GRIK3: variants seen among roughly 807,000 people sequenced by gnomAD.
GRIK3 encodes glutamate ionotropic receptor kainate type subunit 3, also known as glutamate receptor ionotropic, kainate 3.
In GRIK3, 29 loss-of-function variants were observed where a neutral mutation model predicts 102.5. The observed-to-expected ratio is 0.28, with a 90% CI of 0.21 to 0.39. The LOEUF (loss-of-function observed/expected upper bound fraction) is 0.39, where lower values mean the gene tolerates loss of function less well. GRIK3 is among the 10% of genes least tolerant of loss of function. The probability of loss-of-function intolerance (pLI) is 1.00; values close to 1 mark genes in which losing one functional copy is unlikely to be tolerated. For synonymous variants in GRIK3, 511 were observed against 504.9 expected (o/e 1.01, Z -0.16); for missense variants, 908 against 1,252.4 (o/e 0.73, Z 4.15).
At chr1:36,887,228 C>T (rs560559865) in intron 2 of GRIK3, among the ~76,000 whole-genome samples, 1 of 152,256 alleles carries the variant, frequency 6.6e-6, no homozygotes, top group Middle Eastern at 3.4e-3. Flanking sequence ...GATAAAACAA[C>T]AGCATTTCTA....
intron 10 of GRIK3, among the ~76,000 whole-genome samples, chr1:36,832,601 G>C (rs1640319019): frequency 6.6e-6 from 1 of 152,210 alleles, no homozygotes; most frequent in African/African-American, 2.4e-5. Context: ...CCAGCTTCCT[G>C]AGCTGACAGC....
rs1570759619 is a variant in GRIK3 at position 36,850,759 on chromosome 1, A to G, written c.1213-335T>C. 6.6e-6 allele frequency among the ~76,000 whole-genome samples: 1 copy of G among 152,208 alleles called. No homozygotes were observed. The highest frequency in any genetic ancestry group is 2.1e-4 in the South Asian group (1 of 4,832). On this transcript the variant is annotated intron_variant, in intron 8 of 15. Coordinates refer to ENST00000373091, the MANE Select transcript of GRIK3 (RefSeq NM_000831.4). This position sits in a 1 kb window ranked among gnomAD's most constrained non-coding sequence, Gnocchi z 4.0. Reference sequence around the variant, plus strand: ...GGGTCTCAGGGCTGAGCAGATGCCAATCAGGGGCTGGAGGGAATCAGGGGT... The same window carrying G: ...GGGTCTCAGGGCTGAGCAGATGCCAGTCAGGGGCTGGAGGGAATCAGGGGT...
At chr1:36,955,122 G>A (rs1012260530) in intron 1 of GRIK3, among the ~76,000 whole-genome samples, 3 of 152,244 alleles carry the variant, frequency 2.0e-5, no homozygotes, top group Admixed American at 2.0e-4. Flanking sequence ...CCACCCCAGA[G>A]TGGGTCCTGA....
In GRIK3 at chr1:36,825,675, A is replaced by G; in HGVS notation, c.1682T>C (p.Leu561Pro). 2 of 1,613,412 alleles carry G rather than the reference A, an allele frequency of 1.2e-6. No individual in the cohort carries two copies. The highest frequency in any genetic ancestry group is 8.5e-7 in the Non-Finnish European group (1 of 1,179,696). The part of the protein sequence containing the change: ...NPSVFSFLNP[L>P]SPDIWMYVLL... ...AACATACATCCAGATGTCTGGGGAC[A>G]GGGGATTGAGGAAGGAGAAGACGCT... Residue 561 changes from leucine to proline, a missense_variant, in exon 11 of 16, where the codon CTG becomes CCG. Around this residue, in one of 3 missense-constraint regions of GRIK3, gnomAD observed 585 missense variants for 824.9 expected, o/e 0.71. Transcript: ENST00000373091.
chr1:36,881,510 C>G (rs1640976503), intron 2 of GRIK3, among the ~76,000 whole-genome samples: 2 of 152,116 alleles, frequency 1.3e-5, no homozygotes, highest in Admixed American at 6.5e-5. Flanking sequence ...CTCATTCACT[C>G]ATATCCCACA....
chr1:36,836,380 G>A (rs1272019155), intron 10 of GRIK3, among the ~76,000 whole-genome samples: 5 of 152,226 alleles, frequency 3.3e-5, no homozygotes, highest in African/African-American at 1.2e-4. Context: ...GTTCACCCAC[G>A]TGTCCCTCAT....
chr1:36,919,074 T>C (rs1029932156), intron 1 of GRIK3, among the ~76,000 whole-genome samples: 2 of 152,228 alleles, frequency 1.3e-5, no homozygotes, highest in African/African-American at 4.8e-5. Context: ...GGGACTGTTT[T>C]TATGGCTTTC....
chr1:36,927,974 G>A (rs1219549735), intron 1 of GRIK3, among the ~76,000 whole-genome samples: 1 of 152,186 alleles, frequency 6.6e-6, no homozygotes, highest in Admixed American at 6.5e-5. Flanking sequence ...GAGCAGAGGT[G>A]GGGGGTACCA....
rs140594553 is a variant in GRIK3, at chr1:36,925,411, C to A, written c.116-34315G>T. The stretch of plus-strand genomic sequence containing the variant: ...AGTGAGCCAGTTCGTGCCCTCGGAG[C>A]CTTTCCCCTGAAAGCTGCCCAGCTT... On this transcript the variant is annotated intron_variant, in intron 1 of 15. Transcript: ENST00000373091. Among the ~76,000 whole-genome samples the A allele has an allele frequency of 3.3e-5, 5 of 152,372 alleles. No homozygotes were observed. In the East Asian group the frequency reaches 5.8e-4, roughly 18 times the overall value.
intron 7 of GRIK3, 101 bp downstream of exon 7, chr1:36,859,007 T>C: frequency 9.3e-7 from 1 of 1,079,692 alleles, no homozygotes; most frequent in South Asian, 1.7e-5. Context: ...TGAGGTCACA[T>C]GGATGAGAAT....
At chr1:36,847,501 T>C (rs1640532565) in intron 9 of GRIK3, among the ~76,000 whole-genome samples, 1 of 152,216 alleles carries the variant, frequency 6.6e-6, no homozygotes, top group Admixed American at 6.5e-5. Context: ...GGGCTCTGCC[T>C]GTGGACAGAA....
Position 36,819,639 on chromosome 1 carries a change from C to A in GRIK3, c.1873+97G>T, listed in dbSNP as rs887828248. ...GGCTCATCAGGGTCTGAGGCTACCC[C>A]TAGAGGTGTGGGCTGGCTCTGCTGA... is the stretch of plus-strand genomic sequence containing the variant. On this transcript the variant is annotated intron_variant, in intron 12 of 15. Transcript: ENST00000373091. This position sits in a 1 kb window ranked among gnomAD's most constrained non-coding sequence, Gnocchi z 4.1. 6.9e-6 allele frequency: 5 copies of A among 726,754 alleles called. No individual in the cohort carries two copies. Among genetic ancestry groups the A allele is most frequent in the Non-Finnish European group, 1.0e-5 (4 of 394,008 alleles). The allele number at this position is 726,754 out of a possible 1,614,324, so 45.0% of individuals were successfully genotyped here.
chr1:36,879,195 A>G (rs1421823703), intron 3 of GRIK3, among the ~76,000 whole-genome samples: 2 of 152,070 alleles, frequency 1.3e-5, no homozygotes, highest in Non-Finnish European at 2.9e-5. Context: ...GCTTGCCAAG[A>G]CCAAGAACTG....
chr1:36,953,205 C>T (rs545768852), intron 1 of GRIK3, among the ~76,000 whole-genome samples: 19 of 152,318 alleles, frequency 1.2e-4, no homozygotes, highest in African/African-American at 3.4e-4. Context: ...CCTGCCCCTG[C>T]CTCATAGCAC....
rs921504991 is a variant in GRIK3 at position 36,796,997 on chromosome 1, G to C, written c.*4854C>G. On this transcript the variant is annotated 3_prime_UTR_variant, in exon 16 of 16. Transcript: ENST00000373091. ...CTCAGACAGGCTCGGATGGAGATGA[G>C]GTCCGTTGGCCATTCCTGCCCCTCC... 2.0e-5 allele frequency: 3 copies of C among 152,220 alleles called. No homozygotes were observed. The highest frequency in any genetic ancestry group is 7.2e-5 in the African/African-American group (3 of 41,422). 9.4% of individuals were successfully genotyped at this position (152,220 alleles called of 1,614,324 possible). A position where few individuals can be genotyped will look rare whatever the true frequency, so the allele number is the denominator to read the frequency against.
chr1:36,895,433 GA>G (rs60805545), intron 1 of GRIK3, among the ~76,000 whole-genome samples: 23 of 146,672 alleles, frequency 1.6e-4, no homozygotes, highest in East Asian at 4.0e-4. Flanking sequence ...GGAATTCTAA[GA>G]AAAAAAAAAG....
At chr1:36,805,851 T>A (rs1642492446) in intron 14 of GRIK3, among the ~76,000 whole-genome samples, 2 of 139,688 alleles carry the variant, frequency 1.4e-5, no homozygotes, top group South Asian at 4.4e-4. Flanking sequence ...CAGGAGAATC[T>A]CTTGAACCCG....
intron 1 of GRIK3, among the ~76,000 whole-genome samples, chr1:37,014,783 G>A (rs530883408): frequency 6.6e-5 from 10 of 152,172 alleles, no homozygotes; most frequent in Non-Finnish European, 1.0e-4. Flanking sequence ...ACTCCACTGG[G>A]CATTTGAGGA....
At chr1:36,996,817 G>C (rs930551759) in intron 1 of GRIK3, among the ~76,000 whole-genome samples, 53 of 152,334 alleles carry the variant, frequency 3.5e-4, no homozygotes, top group African/African-American at 1.3e-3. Flanking sequence ...CATATCCAAG[G>C]ATGTTGGGCT....
Sources: allele counts gnomAD v4.1 joint callset (sites outside exome capture counted in the v4.1 genomes callset), GRCh38; gene constraint gnomAD v4.1.1; regional missense constraint gnomAD v4.1.1; non-coding constraint Gnocchi (gnomAD v3.1); transcripts MANE v1.5; gene names NCBI Gene and HGNC (gene_info 2026-07-23, HGNC 2026-07-21).